STPG2: variants seen among roughly 807,000 people sequenced by gnomAD.
STPG2 encodes sperm tail PG-rich repeat containing 2, also known as sperm-tail PG-rich repeat-containing protein 2.
In STPG2, 56 loss-of-function variants were observed where a neutral mutation model predicts 54.2. The ratio of observed to expected loss-of-function variants is 1.03; its 90% confidence interval spans 0.83 to 1.29. The LOEUF (loss-of-function observed/expected upper bound fraction) is 1.29, where lower values mean the gene tolerates loss of function less well. Among genes scored for constraint, STPG2 ranks in the 50% most tolerant of loss-of-function variants. STPG2 has a pLI of 0.00. For synonymous variants in STPG2, 200 were observed against 181.8 expected, an observed-to-expected ratio of 1.10 and a Z score of -0.81; for missense variants, 596 against 544.9, an observed-to-expected ratio of 1.09 and a Z score of -0.93.
intron 10 of STPG2, among the ~76,000 whole-genome samples, chr4:97,593,325 G>T (rs1377653143): frequency 6.6e-6 from 1 of 152,142 alleles, no homozygotes; most frequent in Non-Finnish European, 1.5e-5. Context: ...TGCTTTGCCA[G>T]TGTACATGGG....
At chr4:97,513,480 C>T (rs1731014255) in intron 4 of STPG2, among the ~76,000 whole-genome samples, 1 of 152,046 alleles carries the variant, frequency 6.6e-6, no homozygotes, top group Non-Finnish European at 1.5e-5. Flanking sequence ...TTTCAAGTGA[C>T]CAGCCCCCAT....
chr4:97,843,829 T>C (rs1005711001), intron 8 of STPG2, among the ~76,000 whole-genome samples: 1 of 151,936 alleles, frequency 6.6e-6, no homozygotes, highest in Middle Eastern at 3.2e-3. Flanking sequence ...TATAAAATTC[T>C]ACTTGCTCAA....
At chr4:97,641,988 T>C (rs1464267517) in intron 10 of STPG2, among the ~76,000 whole-genome samples, 1 of 151,490 alleles carries the variant, frequency 6.6e-6, no homozygotes, top group Non-Finnish European at 1.5e-5. Flanking sequence ...TTATTCTCCA[T>C]GGTTTATTTG....
intron 10 of STPG2, among the ~76,000 whole-genome samples, chr4:97,567,257 T>G (rs1272345182): frequency 1.3e-5 from 2 of 151,206 alleles, no homozygotes; most frequent in Non-Finnish European, 1.5e-5. Flanking sequence ...AAATTAAAAC[T>G]GTACTGAGAA....
chr4:97,529,955 T>C (rs966774721), intron 4 of STPG2, among the ~76,000 whole-genome samples: 3 of 152,150 alleles, frequency 2.0e-5, no homozygotes, highest in African/African-American at 7.2e-5. Context: ...TTTTTATTTG[T>C]TTACTTCTAT....
chr4:97,683,132 C>G lies in STPG2; in HGVS notation c.1320+29567G>C, dbSNP rs7668219. Among the ~76,000 whole-genome samples the G allele has an allele frequency of 1.5e-3, 235 of 151,890 alleles. 1 individual carries two copies. The highest frequency in any genetic ancestry group is 5.4e-3 in the African/African-American group (225 of 41,522). On this transcript the variant is annotated intron_variant, in intron 10 of 10. Coordinates refer to ENST00000295268, the MANE Select transcript of STPG2 (RefSeq NM_174952.3). ...ATTAACTTTGTTACTCAAAGCACAG[C>G]AAGCAGTATGGTCAAAAGTATATTT...
Position 97,696,226 on chromosome 4 carries a change from C to T in STPG2, c.1320+16473G>A, listed in dbSNP as rs1355978123. ...GAGAACCTAGAAATAAAGCCAAATA[C>T]TTACAGTCAATTGATCTTTGACAAA... On this transcript the variant is annotated intron_variant, in intron 10 of 10. Coordinates refer to ENST00000295268, the MANE Select transcript of STPG2 (RefSeq NM_174952.3). 2.0e-5 allele frequency among the ~76,000 whole-genome samples: 3 copies of T among 152,134 alleles called. No individual in the cohort carries two copies. In the East Asian group the frequency reaches 5.8e-4, roughly 29 times the overall value.
chr4:97,958,428 T>C (rs916035383), intron 7 of STPG2, among the ~76,000 whole-genome samples: 2 of 152,114 alleles, frequency 1.3e-5, no homozygotes, highest in Non-Finnish European at 2.9e-5. Flanking sequence ...AAATGCTCCA[T>C]TTAAAAAATA....
downstream of STPG2, among the ~76,000 whole-genome samples, chr4:97,554,210 C>A (rs1465565582): frequency 1.3e-5 from 2 of 152,116 alleles, no homozygotes; most frequent in African/African-American, 2.4e-5. Context: ...GCTGGGGTTT[C>A]TCATCAGCTC....
intron 5 of STPG2, among the ~76,000 whole-genome samples, chr4:98,040,322 T>A (rs1736911654): frequency 6.6e-6 from 1 of 151,976 alleles, no homozygotes; most frequent in Non-Finnish European, 1.5e-5. Context: ...CTTTTTAGTT[T>A]AATTAAGTCC....
At chr4:97,498,193 T>C (rs753702602) in intron 4 of STPG2, among the ~76,000 whole-genome samples, 3 of 152,012 alleles carry the variant, frequency 2.0e-5, no homozygotes, top group Non-Finnish European at 4.4e-5. Flanking sequence ...TAGGCTCTCA[T>C]ATAATGACTC....
At chr4:97,765,305 G>T (rs2149057342) in intron 9 of STPG2, among the ~76,000 whole-genome samples, 1 of 152,224 alleles carries the variant, frequency 6.6e-6, no homozygotes. Context: ...TACTGAGAAA[G>T]ATAGGGCATG....
At chr4:97,937,977 T>C (rs116824455) in intron 8 of STPG2, among the ~76,000 whole-genome samples, 2,764 of 152,266 alleles carry the variant, frequency 0.018, 82 homozygotes, top group African/African-American at 0.062. Context: ...TCCTCAGAGC[T>C]AGCAGGAAGG....
intron 7 of STPG2, among the ~76,000 whole-genome samples, chr4:97,955,016 C>A (rs892376340): frequency 6.6e-6 from 1 of 151,598 alleles, no homozygotes; most frequent in Non-Finnish European, 1.5e-5. Flanking sequence ...AATAATTTGT[C>A]CTGAGAAATG....
At chr4:97,443,506 C>T (rs1435486473) in intron 4 of STPG2, among the ~76,000 whole-genome samples, 1 of 151,864 alleles carries the variant, frequency 6.6e-6, no homozygotes, top group Non-Finnish European at 1.5e-5. Context: ...TGGCAGTTTC[C>T]CAGGATGGAA....
chr4:97,606,116 G>T (rs988261301), intron 10 of STPG2, among the ~76,000 whole-genome samples: 1 of 151,800 alleles, frequency 6.6e-6, no homozygotes, highest in Admixed American at 6.6e-5. Flanking sequence ...GGATGCTGAT[G>T]ATGCCTATTT....
intron 8 of STPG2, among the ~76,000 whole-genome samples, chr4:97,915,226 CT>C (rs1472150433): frequency 1.3e-5 from 2 of 152,088 alleles, no homozygotes; most frequent in Admixed American, 1.3e-4. Flanking sequence ...GGTGCCTGCT[CT>C]TAAGGAATTT....
At chr4:97,499,816 T>C (rs1403662973) in intron 4 of STPG2, among the ~76,000 whole-genome samples, 3 of 151,790 alleles carry the variant, frequency 2.0e-5, no homozygotes, top group African/African-American at 7.3e-5. Flanking sequence ...AGGGCAGGCG[T>C]GAGAAACAGC....
At chr4:98,060,880 A>G (rs1737630552) in intron 5 of STPG2, among the ~76,000 whole-genome samples, 1 of 152,212 alleles carries the variant, frequency 6.6e-6, no homozygotes, top group Non-Finnish European at 1.5e-5. Context: ...GAAGACTGCA[A>G]CTGGACCCCT....
Sources: allele counts gnomAD v4.1 joint callset (sites outside exome capture counted in the v4.1 genomes callset), GRCh38; gene constraint gnomAD v4.1.1; transcripts MANE v1.5; gene names NCBI Gene and HGNC (gene_info 2026-07-23, HGNC 2026-07-21).